SPEN: variants seen among roughly 807,000 people sequenced by gnomAD.
The protein encoded by SPEN is msx2-interacting protein.
SPEN carries 18 observed loss-of-function variants against 269.9 expected under a neutral mutation model. The observed-to-expected ratio is 0.07, with a 90% CI of 0.05 to 0.10. The LOEUF (loss-of-function observed/expected upper bound fraction) is 0.10. Among genes scored for constraint, SPEN ranks in the 10% least tolerant of loss-of-function variants. SPEN has a pLI of 1.00. For synonymous variants in SPEN, 1,726 were observed against 1,765.7 expected (o/e 0.98, Z 0.56); for missense variants, 3,822 against 4,631.2 (o/e 0.83, Z 5.07).
chr1:15,881,289 CAG>C (rs752497340), intron 3 of SPEN, among the ~76,000 whole-genome samples: 1 of 152,106 alleles, frequency 6.6e-6, no homozygotes, highest in Non-Finnish European at 1.5e-5. Flanking sequence ...ATTCTGTATG[CAG>C]AGAGGGCCAT....
chr1:15,883,630 G>A (rs929323358), intron 3 of SPEN, among the ~76,000 whole-genome samples: 2 of 151,778 alleles, frequency 1.3e-5, no homozygotes, highest in Non-Finnish European at 2.9e-5. Flanking sequence ...ACTGTGCCCG[G>A]CCTAAAACAA....
chr1:15,862,891 A>G (rs541163421), intron 1 of SPEN, among the ~76,000 whole-genome samples: 63 of 151,904 alleles, frequency 4.1e-4, no homozygotes, highest in Non-Finnish European at 5.3e-4. Flanking sequence ...CCTCCTGAGT[A>G]GCTGGGACTA....
Position 15,933,292 on chromosome 1 carries a change from C to T in SPEN, c.7052C>T (p.Pro2351Leu). The T allele has an allele frequency of 6.2e-7, 1 of 1,614,122 alleles. No individual in the cohort carries two copies. The highest frequency in any genetic ancestry group is 8.5e-7 in the Non-Finnish European group (1 of 1,180,042). ...AACACAAACAAGAAAGTGGTGGCTCCTGTAGAGAGCCATGTCCCTGAATCC... is the reference window on the plus strand; with the variant it reads ...AACACAAACAAGAAAGTGGTGGCTCTTGTAGAGAGCCATGTCCCTGAATCC... ...KRNTNKKVVA[P>L]VESHVPESNQ... The change falls in exon 11 of 15, where the codon CCT becomes CTT. Residue 2351 changes from proline to leucine, a missense_variant. Pro to Leu is a moderately conservative substitution (Grantham distance 98). This residue lies in a region of SPEN where 727 missense variants were observed against 737.9 expected (regional missense o/e 0.99). Transcript: ENST00000375759. The surrounding 1 kb of genome is among the most constrained non-coding windows in gnomAD (Gnocchi z 5.7).
intron 3 of SPEN, among the ~76,000 whole-genome samples, chr1:15,900,426 T>C (rs1164140047): frequency 6.6e-6 from 1 of 152,224 alleles, no homozygotes; most frequent in Non-Finnish European, 1.5e-5. Flanking sequence ...TATATTTTAC[T>C]TACTACTTGT....
At chr1:15,862,929 C>T (rs2148706238) in intron 1 of SPEN, among the ~76,000 whole-genome samples, 1 of 152,096 alleles carries the variant, frequency 6.6e-6, no homozygotes, top group Non-Finnish European at 1.5e-5. Flanking sequence ...TCCTGGCTAA[C>T]TTTTTGTATT....
intron 4 of SPEN, among the ~76,000 whole-genome samples, chr1:15,910,082 C>G: frequency 7.0e-6 from 1 of 143,444 alleles, no homozygotes; most frequent in South Asian, 2.2e-4. Context: ...TGAGGTCAGG[C>G]CACTGCACTC....
intron 3 of SPEN, among the ~76,000 whole-genome samples, chr1:15,880,017 A>T (rs1403509808): frequency 1.3e-5 from 2 of 152,154 alleles, no homozygotes; most frequent in Non-Finnish European, 2.9e-5. Context: ...AATTTAAATT[A>T]TTGCCAGTGT....
intron 3 of SPEN, among the ~76,000 whole-genome samples, chr1:15,879,962 G>T (rs191176246): frequency 0.012 from 1,873 of 152,132 alleles, 27 homozygotes; most frequent in South Asian, 0.066. Context: ...GAGCCACCGC[G>T]CCTGGCCCAG....
chr1:15,878,227 A>T (rs1192533560), intron 3 of SPEN, among the ~76,000 whole-genome samples: 1 of 152,196 alleles, frequency 6.6e-6, no homozygotes, highest in East Asian at 1.9e-4. Context: ...TTACAGTCAA[A>T]TTCTTTGACC....
chr1:15,935,175 G>A lies in SPEN; in HGVS notation c.8935G>A (p.Gly2979Arg), dbSNP rs2071262002. 3.1e-6 allele frequency: 5 copies of A among 1,613,944 alleles called. No individual in the cohort carries two copies. The highest frequency in any genetic ancestry group is 4.2e-6 in the Non-Finnish European group (5 of 1,179,934). ...ETKVLQPANLGSTLTPHHPPA... is the reference protein window; with the variant it reads ...ETKVLQPANLRSTLTPHHPPA... ...CAAGGTCCTTCAGCCGGCCAACCTGGGGTCCACGCTCACGCCCCACCACCC... is the reference window on the plus strand; with the variant it reads ...CAAGGTCCTTCAGCCGGCCAACCTGAGGTCCACGCTCACGCCCCACCACCC... Residue 2979 changes from glycine to arginine, a missense_variant, in exon 11 of 15, where the codon GGG becomes AGG. Around this residue, in one of 16 missense-constraint regions of SPEN, gnomAD observed 94 missense variants for 90.4 expected, o/e 1.04. Transcript: ENST00000375759. The surrounding 1 kb of genome is among the most constrained non-coding windows in gnomAD (Gnocchi z 7.7).
At chr1:15,864,470 GTTTTTTT>G (rs371257174) in intron 1 of SPEN, among the ~76,000 whole-genome samples, 1 of 132,384 alleles carries the variant, frequency 7.6e-6, no homozygotes, top group Non-Finnish European at 1.6e-5. Context: ...GTGCCGGCCG[GTTTTTTT>G]TTTTTTTTTT....
rs767796840 is a variant in SPEN, at chr1:15,919,433, C to T, written c.1551C>T (p.Asn517=). ...KLGFGKSMPT[N]CVWLDGLSSN... The stretch of plus-strand genomic sequence containing the variant: ...GTTTTGGAAAGAGCATGCCTACAAA[C>T]TGCGTGTGGCTAGATGGGCTTTCTT... Residue 517 remains asparagine (N), a synonymous_variant, in exon 8 of 15, where the codon AAC becomes AAT. Coordinates refer to ENST00000375759, the MANE Select transcript of SPEN (RefSeq NM_015001.3). The T allele has an allele frequency of 6.9e-6, 11 of 1,605,426 alleles. No homozygotes were observed. Among genetic ancestry groups the T allele is most frequent in the Non-Finnish European group, 8.5e-6 (10 of 1,178,532 alleles).
chr1:15,934,196 C>A lies in SPEN; in HGVS notation c.7956C>A (p.Ser2652Arg), dbSNP rs755358455. Residue 2652 changes from serine to arginine, a missense_variant, in exon 11 of 15, where the codon AGC becomes AGA. Coordinates refer to ENST00000375759, the MANE Select transcript of SPEN (RefSeq NM_015001.3). The surrounding 1 kb of genome is among the most constrained non-coding windows in gnomAD (Gnocchi z 9.2). ...PAPQTLTGLV[S>R]ALTGLVNVSL... is the part of the protein sequence containing the mutation. Reference sequence around the variant, plus strand: ...CTCAAACCCTCACTGGTCTGGTGAGCGCACTCACTGGCCTGGTGAACGTCT... The same window carrying A: ...CTCAAACCCTCACTGGTCTGGTGAGAGCACTCACTGGCCTGGTGAACGTCT... The A allele has an allele frequency of 6.2e-7, 1 of 1,614,114 alleles. No individual in the cohort carries two copies. Among genetic ancestry groups the A allele is most frequent in the Non-Finnish European group, 8.5e-7 (1 of 1,180,048 alleles).
intron 3 of SPEN, among the ~76,000 whole-genome samples, chr1:15,907,839 A>G (rs1300150087): frequency 6.6e-6 from 1 of 152,248 alleles, no homozygotes; most frequent in Non-Finnish European, 1.5e-5. Flanking sequence ...TCTTAGGCAT[A>G]ATAAAGTTTT....
In SPEN at chr1:15,931,088, T is replaced by A; in HGVS notation, c.4848T>A (p.His1616Gln). Residue 1616 changes from histidine to glutamine, a missense_variant, in exon 11 of 15, where the codon CAT (histidine) becomes CAA (glutamine). Transcript: ENST00000375759. This position sits in a 1 kb window ranked among gnomAD's most constrained non-coding sequence, Gnocchi z 4.8. ...EVEKQEDTEN[H>Q]PKTPESAPEN... ...AGAAACAGGAAGATACAGAGAATCA[T>A]CCCAAGACCCCAGAATCTGCTCCTG... 1.2e-6 allele frequency: 2 copies of A among 1,614,064 alleles called. No homozygotes were observed. Among genetic ancestry groups the A allele is most frequent in the Non-Finnish European group, 1.7e-6 (2 of 1,179,994 alleles).
chr1:15,911,117 T>C lies in SPEN; in HGVS notation c.1059T>C (p.Asp353=). The C allele has an allele frequency of 1.2e-6, 2 of 1,613,234 alleles. No individual in the cohort carries two copies. The highest frequency in any genetic ancestry group is 2.2e-5 in the South Asian group (2 of 90,680). The change falls in exon 5 of 15, where the codon GAT becomes GAC. Residue 353 remains aspartate (D), a synonymous_variant. Coordinates refer to ENST00000375759, the MANE Select transcript of SPEN (RefSeq NM_015001.3). ...PVRSTDTSLK[D]GLFHEFKKFG... is the part of the protein sequence containing the mutation. ...GGAATTTAGATACAAGCCTTAAAGA[T>C]GGCCTTTTCCATGAATTTAAGAAAT...
chr1:15,873,938 T>C (rs1035127852), intron 2 of SPEN: 2 of 1,164,336 alleles, frequency 1.7e-6, no homozygotes, highest in African/African-American at 3.2e-5. Flanking sequence ...AAAGGTACTT[T>C]AGCTTTGAAC....
Position 15,934,700 on chromosome 1 carries a change from A to G in SPEN, c.8460A>G (p.Ser2820=), listed in dbSNP as rs750144600. The change falls in exon 11 of 15, where the codon TCA becomes TCG. Residue 2820 remains serine, a synonymous_variant. Transcript: ENST00000375759. This position sits in a 1 kb window ranked among gnomAD's most constrained non-coding sequence, Gnocchi z 9.2. ...TSEGVVLLSY[S]GQKTEGPQRI... ...AAGGGGTTGTGCTCCTGAGTTACTC[A>G]GGGCAGAAGACCGAAGGCCCACAGC... 9 of 1,614,174 alleles carry G rather than the reference A, an allele frequency of 5.6e-6. No homozygotes were observed. The highest frequency in any genetic ancestry group is 1.6e-4 in the Middle Eastern group (1 of 6,062).
At chr1:15,872,642 T>G (rs1390667848) in intron 1 of SPEN, among the ~76,000 whole-genome samples, 174 bp from the exon 2 acceptor site, 1 of 150,550 alleles carries the variant, frequency 6.6e-6, no homozygotes, top group Non-Finnish European at 1.5e-5. Flanking sequence ...AATAATGCGA[T>G]ACAGATATTT....
Sources: gnomAD v4.1 joint callset for allele counts (sites outside exome capture counted in the v4.1 genomes callset) on GRCh38, gnomAD v4.1.1 for gene constraint, gnomAD v4.1.1 regional missense constraint, Gnocchi (gnomAD v3.1) non-coding constraint, MANE v1.5 for transcripts, NCBI Gene and HGNC (gene_info 2026-07-23, HGNC 2026-07-21) for gene names.